APAF1: variants seen among roughly 807,000 people sequenced by gnomAD.
The protein encoded by APAF1 is apoptotic peptidase activating factor 1, also known as apoptotic protease-activating factor 1.
APAF1 carries 91 observed loss-of-function variants against 152.4 expected under a neutral mutation model. The ratio of observed to expected loss-of-function variants is 0.60; its 90% CI spans 0.50 to 0.71. The LOEUF (loss-of-function observed/expected upper bound fraction) is 0.71. APAF1 is among the 30% of genes least tolerant of loss of function. The pLI is 0.00. For missense variants in APAF1, 1,283 were observed against 1,472.0 expected (o/e 0.87, Z 2.10); for synonymous variants, 484 against 494.1 (o/e 0.98, Z 0.27).
intron 13 of APAF1, among the ~76,000 whole-genome samples, chr12:98,678,788 C>T (rs1243278580): frequency 3.9e-5 from 6 of 152,354 alleles, no homozygotes; most frequent in Non-Finnish European, 5.9e-5. Context: ...TGTTGCAGCC[C>T]GGCCAGATGT....
rs1020237817 is a variant in APAF1 at position 98,699,531 on chromosome 12, G to T, written c.2428G>T (p.Gly810Cys). ...IVKCCSWSAD[G>C]ARIMVAAKNK... ...GAAGTGTTGTTCGTGGTCTGCTGAT[G>T]GTGCAAGGATAATGGTGGCAGCAAA... Residue 810 changes from glycine (G) to cysteine (C), a missense_variant, in exon 17 of 27, where the codon GGT becomes TGT. Gly to Cys is a radical substitution (Grantham distance 159). Coordinates refer to ENST00000551964, the MANE Select transcript of APAF1 (RefSeq NM_181861.2). 1 of 1,614,168 alleles carries T rather than the reference G, an allele frequency of 6.2e-7. No homozygotes were observed. The highest frequency in any genetic ancestry group is 1.1e-5 in the South Asian group (1 of 91,088).
At chr12:98,646,552 ACTCT>A (rs1328552064) in intron 1 of APAF1, among the ~76,000 whole-genome samples, 13 of 150,190 alleles carry the variant, frequency 8.7e-5, no homozygotes, top group Non-Finnish European at 1.5e-4. Flanking sequence ...TCACATTCCC[ACTCT>A]CTCTCTCTTT....
intron 15 of APAF1, 89 bp downstream of exon 15, chr12:98,683,363 G>A: frequency 2.3e-6 from 3 of 1,286,256 alleles, no homozygotes; most frequent in South Asian, 2.4e-5. Context: ...CTACTATTAG[G>A]ACTTTCTGGT....
At position 98,668,451 on chromosome 12, in the gene APAF1, A is replaced by G. The variant is rs79384865; in HGVS notation, c.1494+807A>G. On this transcript the variant is annotated intron_variant, in intron 10 of 26. Coordinates refer to ENST00000551964, the MANE Select transcript of APAF1 (RefSeq NM_181861.2). ...GTATATTGCTCTTCATTAAGAGGAT[A>G]AAGCACAGGCACAAAGTCATTGCTC... Among the ~76,000 whole-genome samples the G allele has an allele frequency of 1.1e-4, 16 of 152,328 alleles. No individual in the cohort carries two copies. In the East Asian group the frequency reaches 1.4e-3, roughly 13 times the overall value.
At chr12:98,723,900 C>A in intron 24 of APAF1, 136 bp downstream of exon 24, 1 of 922,922 alleles carries the variant, frequency 1.1e-6, no homozygotes. Flanking sequence ...TTGGAGGATG[C>A]CCATTGGCAT....
At chr12:98,664,541 CT>C (rs199967440) in intron 7 of APAF1, among the ~76,000 whole-genome samples, 20 of 146,322 alleles carry the variant, frequency 1.4e-4, no homozygotes, top group African/African-American at 2.2e-4. Context: ...GGATTTTGCC[CT>C]TTTTTTTTTA....
At chr12:98,692,335 G>C (rs536419851) in intron 16 of APAF1, among the ~76,000 whole-genome samples, 1 of 151,964 alleles carries the variant, frequency 6.6e-6, no homozygotes, top group Non-Finnish European at 1.5e-5. Flanking sequence ...CGCCTGCCTC[G>C]GCCTCCCAAA....
At chr12:98,695,547 C>T (rs1178892531) in intron 16 of APAF1, among the ~76,000 whole-genome samples, 1 of 152,154 alleles carries the variant, frequency 6.6e-6, no homozygotes, top group Non-Finnish European at 1.5e-5. Flanking sequence ...ATTTTAATCT[C>T]CTATTTGTAG....
chr12:98,717,330 A>G (rs1392248341), intron 22 of APAF1, among the ~76,000 whole-genome samples: 14 of 151,386 alleles, frequency 9.2e-5, no homozygotes. Flanking sequence ...GTAAATATAT[A>G]TAATATATAT....
chr12:98,719,001 C>T (rs2097738330), intron 22 of APAF1, among the ~76,000 whole-genome samples: 1 of 152,150 alleles, frequency 6.6e-6, no homozygotes, highest in African/African-American at 2.4e-5. Flanking sequence ...GTTATTTCGA[C>T]CTTCTCTTTC....
chr12:98,662,849 T>C, intron 7 of APAF1, 43 bp downstream of exon 7: 1 of 1,577,408 alleles, frequency 6.3e-7, no homozygotes, highest in African/African-American at 1.4e-5. Flanking sequence ...TAGGGAGTTA[T>C]ATAATTTCCC....
chr12:98,679,538 C>T (rs919064144), intron 13 of APAF1, among the ~76,000 whole-genome samples: 4 of 152,230 alleles, frequency 2.6e-5, no homozygotes, highest in Non-Finnish European at 5.9e-5. Flanking sequence ...AGAGCTGTAA[C>T]ACAAACAGGG....
intron 12 of APAF1, among the ~76,000 whole-genome samples, chr12:98,677,181 G>A (rs934230608): frequency 3.9e-5 from 6 of 152,296 alleles, no homozygotes; most frequent in Non-Finnish European, 8.8e-5. Flanking sequence ...CCAACTCAGT[G>A]ACATTTGTAA....
In APAF1 at chr12:98,671,691, G is replaced by A. The variant is rs745404599; in HGVS notation, c.1765G>A (p.Asp589Asn). ...TAAGCTGCAGGCCAAGCAGGAGGTC[G>A]ATAATGGAATGCTTTACCTGGAATG... ...QAKLQAKQEVDNGMLYLEWIN... is the reference protein window; with the variant it reads ...QAKLQAKQEVNNGMLYLEWIN... Residue 589 changes from aspartate (D) to asparagine (N), a missense_variant, in exon 12 of 27, where the codon GAT becomes AAT. Asp to Asn is a conservative substitution (Grantham distance 23, BLOSUM62 1). Coordinates refer to ENST00000551964, the MANE Select transcript of APAF1 (RefSeq NM_181861.2). 34 of 1,614,078 alleles carry A rather than the reference G, an allele frequency of 2.1e-5. No individual in the cohort carries two copies. The South Asian group carries it at 3.4e-4, about 16-fold the overall frequency.
At chr12:98,660,228 C>T (rs1338833523) in intron 5 of APAF1, among the ~76,000 whole-genome samples, 1 of 152,000 alleles carries the variant, frequency 6.6e-6, no homozygotes, top group Admixed American at 6.6e-5. Flanking sequence ...CACCTGTGGT[C>T]CCAGCTACTC....
At chr12:98,715,901 A>G (rs1422127138) in intron 22 of APAF1, among the ~76,000 whole-genome samples, 4 of 152,224 alleles carry the variant, frequency 2.6e-5, no homozygotes, top group African/African-American at 9.6e-5. Context: ...TCCAATGGAA[A>G]TCATTTCATT....
intron 15 of APAF1, among the ~76,000 whole-genome samples, chr12:98,686,219 C>G (rs1430210340): frequency 6.6e-6 from 1 of 152,118 alleles, no homozygotes; most frequent in Non-Finnish European, 1.5e-5. Context: ...TATTAAAGTT[C>G]CCTTTTTCCT....
intron 10 of APAF1, among the ~76,000 whole-genome samples, chr12:98,669,715 G>A (rs2097677678): frequency 6.6e-6 from 1 of 152,088 alleles, no homozygotes; most frequent in South Asian, 2.1e-4. Flanking sequence ...TTTTTTATAA[G>A]TGGAATTTCT....
chr12:98,646,148 A>C (rs1297938870), intron 1 of APAF1, among the ~76,000 whole-genome samples: 1 of 152,258 alleles, frequency 6.6e-6, no homozygotes, highest in African/African-American at 2.4e-5. Flanking sequence ...TTAGTTTAAC[A>C]GGACTAGGTG....
Sources: allele counts gnomAD v4.1 joint callset (sites outside exome capture counted in the v4.1 genomes callset), GRCh38; gene constraint gnomAD v4.1.1; transcripts MANE v1.5; gene names NCBI Gene and HGNC (gene_info 2026-07-23, HGNC 2026-07-21).